ECT2L: variants seen among roughly 807,000 people sequenced by gnomAD.
ECT2L encodes epithelial cell transforming 2 like.
Under a neutral mutation model 122.8 loss-of-function variants are expected in ECT2L, and 126 were observed. The observed-to-expected ratio is 1.03, with a 90% CI of 0.89 to 1.19. The LOEUF (loss-of-function observed/expected upper bound fraction) is 1.19, where lower values mean the gene tolerates loss of function less well. ECT2L is among the 50% of genes most tolerant of loss of function. The probability of loss-of-function intolerance (pLI) is 0.00; values close to 1 mark genes in which losing one functional copy is unlikely to be tolerated. For missense variants in ECT2L, 1,012 were observed against 1,064.1 expected, an observed-to-expected ratio of 0.95 and a Z score of 0.68; for synonymous variants, 385 against 381.8, an observed-to-expected ratio of 1.01 and a Z score of -0.10.
intron 19 of ECT2L, among the ~76,000 whole-genome samples, chr6:138,888,317 C>CTTTTCTT (rs1554279158): frequency 6.2e-5 from 8 of 128,644 alleles, no homozygotes; most frequent in African/African-American, 2.4e-4. Context: ...TTTTTCTTTT[C>CTTTTCTT]TTTTTTTTTT....
intron 9 of ECT2L, among the ~76,000 whole-genome samples, chr6:138,852,829 G>A (rs1448908497): frequency 1.3e-5 from 2 of 152,054 alleles, no homozygotes; most frequent in African/African-American, 4.8e-5. Flanking sequence ...ATATTGGCAA[G>A]TTTATATGAT....
chr6:138,830,200 A>G (rs1776599034), intron 4 of ECT2L, among the ~76,000 whole-genome samples: 1 of 152,226 alleles, frequency 6.6e-6, no homozygotes, highest in Non-Finnish European at 1.5e-5. Flanking sequence ...TCTAGAAAAC[A>G]AGGTATATTA....
Position 138,862,682 on chromosome 6 carries a change from G to T in ECT2L, c.1254G>T (p.Thr418=). ...CTCAACTAACTGGCACGTTCTTTAC[G>T]GCCCCCACTGGGATTGCAACTGGCT... is the stretch of plus-strand genomic sequence containing the variant. The part of the protein sequence containing the change: ...QLSQLTGTFF[T]APTGIATGSY... The change falls in exon 11 of 22, where the codon ACG becomes ACT. Residue 418 remains threonine (T), a synonymous_variant. Coordinates refer to ENST00000541398, the MANE Select transcript of ECT2L (RefSeq NM_001077706.3). 1 of 1,614,074 alleles carries T rather than the reference G, an allele frequency of 6.2e-7. No homozygotes were observed. The highest frequency in any genetic ancestry group is 8.5e-7 in the Non-Finnish European group (1 of 1,179,976).
intron 15 of ECT2L, 66 bp from the exon 16 acceptor site, chr6:138,882,658 T>G: frequency 5.7e-6 from 9 of 1,577,620 alleles, no homozygotes; most frequent in Non-Finnish European, 7.8e-6. Context: ...CTGATGACAA[T>G]GGATATTTGG....
At chr6:138,814,830 T>C (rs1776016560) in intron 4 of ECT2L, among the ~76,000 whole-genome samples, 1 of 152,210 alleles carries the variant, frequency 6.6e-6, no homozygotes, top group African/African-American at 2.4e-5. Context: ...GACTGTTTCA[T>C]GTTGGCAAAA....
At chr6:138,887,250 C>T (rs1235722155) in intron 19 of ECT2L, among the ~76,000 whole-genome samples, 3 of 148,746 alleles carry the variant, frequency 2.0e-5, no homozygotes, top group East Asian at 2.0e-4. Flanking sequence ...TTTTTGAGAC[C>T]GAGTCTCACA....
intron 13 of ECT2L, among the ~76,000 whole-genome samples, chr6:138,874,977 A>C (rs7746574): frequency 0.044 from 6,744 of 152,250 alleles, 474 homozygotes; most frequent in African/African-American, 0.15. Flanking sequence ...AGTCCCAGCT[A>C]CTTGGGAGGT....
chr6:138,842,935 T>C, intron 5 of ECT2L, 44 bp from the exon 6 acceptor site: 3 of 1,408,170 alleles, frequency 2.1e-6, no homozygotes, highest in South Asian at 4.1e-5. Context: ...GCTAGAAAAC[T>C]GTCTGAAAAC....
At chr6:138,839,194 T>C (rs1167050823) in intron 5 of ECT2L, among the ~76,000 whole-genome samples, 1 of 152,196 alleles carries the variant, frequency 6.6e-6, no homozygotes, top group African/African-American at 2.4e-5. Context: ...AATCCCTTAT[T>C]GTCTTAACAT....
intron 4 of ECT2L, among the ~76,000 whole-genome samples, chr6:138,826,540 G>A (rs978837055): frequency 6.6e-6 from 1 of 152,038 alleles, no homozygotes; most frequent in Non-Finnish European, 1.5e-5. Context: ...GCTGGGTGTT[G>A]TGGCAGTTGT....
intron 14 of ECT2L, among the ~76,000 whole-genome samples, chr6:138,877,850 G>A (rs1488041999): frequency 6.6e-6 from 1 of 152,134 alleles, no homozygotes; most frequent in Non-Finnish European, 1.5e-5. Flanking sequence ...CCGGGAGGTC[G>A]AGGCTGCAGT....
intron 1 of ECT2L, among the ~76,000 whole-genome samples, chr6:138,806,728 GTCTCAAAC>G (rs1252907563): frequency 4.6e-5 from 7 of 151,822 alleles, no homozygotes; most frequent in Non-Finnish European, 8.8e-5. Context: ...GGCCAAGCTG[GTCTCAAAC>G]TCCTGACCTC....
At chr6:138,852,118 A>C (rs751835846) in intron 9 of ECT2L, among the ~76,000 whole-genome samples, 1 of 152,162 alleles carries the variant, frequency 6.6e-6, no homozygotes, top group Non-Finnish European at 1.5e-5. Context: ...TCTGTACAAA[A>C]AATACAAAAA....
chr6:138,881,972 G>A lies in ECT2L; in HGVS notation c.1881-752G>A, dbSNP rs9495280. 8.7e-3 allele frequency among the ~76,000 whole-genome samples: 1,325 copies of A among 152,276 alleles called. 29 individuals are homozygous for A. The highest frequency in any genetic ancestry group is 0.03 in the African/African-American group (1,231 of 41,544). On this transcript the variant is annotated intron_variant, in intron 15 of 21. Coordinates refer to ENST00000541398, the MANE Select transcript of ECT2L (RefSeq NM_001077706.3). ...TGTCCATGCAAAAGCTAGCAGGAAG[G>A]AGGAGAGTCATACGCTCCTTCCTAA...
intron 1 of ECT2L, among the ~76,000 whole-genome samples, chr6:138,804,651 G>A (rs969390423): frequency 6.6e-6 from 1 of 151,984 alleles, no homozygotes; most frequent in Non-Finnish European, 1.5e-5. Flanking sequence ...CATTGAATCT[G>A]TAGATCAAGT....
intron 1 of ECT2L, among the ~76,000 whole-genome samples, chr6:138,810,461 A>G (rs994591170): frequency 1.3e-5 from 2 of 152,226 alleles, no homozygotes; most frequent in Admixed American, 6.5e-5. Context: ...GATACGCTCA[A>G]AATATCTGCA....
intron 4 of ECT2L, among the ~76,000 whole-genome samples, chr6:138,829,118 A>G (rs1776562757): frequency 6.6e-6 from 1 of 151,374 alleles, no homozygotes; most frequent in African/African-American, 2.4e-5. Flanking sequence ...TTGGCCTACC[A>G]AAGTACTGGG....
At chr6:138,851,503 TTTA>T (rs1387988338) in intron 9 of ECT2L, among the ~76,000 whole-genome samples, 4 of 149,838 alleles carry the variant, frequency 2.7e-5, no homozygotes, top group Admixed American at 6.6e-5. Flanking sequence ...TTTTTTTTTT[TTTA>T]AATAGTAGCC....
At chr6:138,898,996 T>G (rs1779306540) in intron 20 of ECT2L, among the ~76,000 whole-genome samples, 2 of 152,198 alleles carry the variant, frequency 1.3e-5, no homozygotes, top group African/African-American at 4.8e-5. Flanking sequence ...TAAAGGTTTA[T>G]CTGAAGAAAG....
Sources: allele counts gnomAD v4.1 joint callset (sites outside exome capture counted in the v4.1 genomes callset), GRCh38; gene constraint gnomAD v4.1.1; transcripts MANE v1.5; gene names NCBI Gene and HGNC (gene_info 2026-07-23, HGNC 2026-07-21).